Variants in CFAP299 observed in about 807,000 individuals in gnomAD.
CFAP299 encodes the protein cilia- and flagella-associated protein 299.
Under a neutral mutation model 27.0 loss-of-function variants are expected in CFAP299, and 21 were observed. That is an observed-to-expected ratio of 0.78 (90% CI 0.55 to 1.12). The LOEUF (loss-of-function observed/expected upper bound fraction) is 1.12, where lower values mean the gene tolerates loss of function less well. CFAP299 is among the 50% of genes most tolerant of loss of function. The pLI is 0.00. For missense variants in CFAP299, 310 were observed against 276.6 expected, an observed-to-expected ratio of 1.12 and a Z score of -0.86; for synonymous variants, 104 against 98.1, an observed-to-expected ratio of 1.06 and a Z score of -0.36.
chr4:80,870,902 C>CT, intron 4 of CFAP299: 1 of 984,286 alleles, frequency 1.0e-6, no homozygotes, highest in Non-Finnish European at 1.2e-6. Flanking sequence ...TATCCATCAC[C>CT]TTTTTTTGAT....
intron 3 of CFAP299, among the ~76,000 whole-genome samples, chr4:80,828,150 AT>A (rs1272953895): frequency 1.6e-4 from 24 of 152,046 alleles, no homozygotes; most frequent in African/African-American, 5.8e-4. Context: ...TGCAATCCTT[AT>A]CATAATTGCA....
intron 3 of CFAP299, among the ~76,000 whole-genome samples, chr4:80,595,917 T>C (rs1737034733): frequency 6.6e-6 from 1 of 152,198 alleles, no homozygotes; most frequent in East Asian, 1.9e-4. Flanking sequence ...GGAGAGTGGA[T>C]TTGACAGTGC....
At chr4:80,804,995 C>A (rs1366783254) in intron 3 of CFAP299, among the ~76,000 whole-genome samples, 1 of 151,956 alleles carries the variant, frequency 6.6e-6, no homozygotes, top group Non-Finnish European at 1.5e-5. Flanking sequence ...TGGAGTGAAT[C>A]ATTTAATTTC....
intron 2 of CFAP299, among the ~76,000 whole-genome samples, chr4:80,496,826 G>C (rs895026579): frequency 6.6e-6 from 1 of 152,104 alleles, no homozygotes; most frequent in African/African-American, 2.4e-5. Flanking sequence ...GGCTTCTGGG[G>C]AGGCCTCAGG....
chr4:80,326,148 T>C, the CFAP299 span, among the ~76,000 whole-genome samples: 2 of 152,202 alleles, frequency 1.3e-5, no homozygotes, highest in Admixed American at 6.5e-5. Flanking sequence ...ATATCTTCCA[T>C]CTGTAAGGTG....
At chr4:80,523,484 C>T (rs1212659303) in intron 2 of CFAP299, among the ~76,000 whole-genome samples, 2 of 151,976 alleles carry the variant, frequency 1.3e-5, no homozygotes, top group Admixed American at 1.3e-4. Flanking sequence ...TAAGGGGTGC[C>T]TAGGTAACTG....
chr4:80,931,977 C>T (rs1736648443), intron 4 of CFAP299, among the ~76,000 whole-genome samples: 1 of 152,148 alleles, frequency 6.6e-6, no homozygotes, highest in East Asian at 1.9e-4. Flanking sequence ...CTGTGGTTTG[C>T]TCTTAGCAGG....
At chr4:80,855,766 A>G (rs1410631004) in intron 3 of CFAP299, among the ~76,000 whole-genome samples, 12 of 152,196 alleles carry the variant, frequency 7.9e-5, no homozygotes, top group Non-Finnish European at 1.6e-4. Flanking sequence ...ATAGTATTCC[A>G]CGGTGTATAT....
intron 2 of CFAP299, among the ~76,000 whole-genome samples, chr4:80,491,750 C>G (rs1387024220): frequency 6.6e-6 from 1 of 152,044 alleles, no homozygotes; most frequent in East Asian, 1.9e-4. Context: ...TGACTCTGGC[C>G]ATAACATTAT....
intron 4 of CFAP299, among the ~76,000 whole-genome samples, chr4:80,907,624 A>C (rs980056431): frequency 6.6e-6 from 1 of 152,186 alleles, no homozygotes; most frequent in African/African-American, 2.4e-5. Flanking sequence ...GGAGAATTGC[A>C]GAGTGAAGGA....
chr4:80,512,418 G>A (rs1469931024), intron 2 of CFAP299, among the ~76,000 whole-genome samples: 1 of 152,046 alleles, frequency 6.6e-6, no homozygotes, highest in Non-Finnish European at 1.5e-5. Context: ...AACTCATGCC[G>A]CAACATGCTT....
rs542401912 is a variant in CFAP299, at chr4:80,479,957, A to G, written c.243-103136A>G. 2.6e-5 allele frequency among the ~76,000 whole-genome samples: 4 copies of G among 152,160 alleles called. No individual in the cohort carries two copies. The South Asian group carries it at 8.3e-4, about 31-fold the overall frequency. On this transcript the variant is annotated intron_variant, in intron 2 of 5. Transcript: ENST00000358105. ...AGCTAAAACATATGTTCTGATTTAC[A>G]CAAGCCAAGTATCTGCTAATGGTTG...
chr4:80,920,698 T>C (rs1736000072), intron 4 of CFAP299, among the ~76,000 whole-genome samples: 1 of 152,164 alleles, frequency 6.6e-6, no homozygotes, highest in East Asian at 1.9e-4. Context: ...TTTCTCTGAA[T>C]CTCAGTGACC....
intron 2 of CFAP299, among the ~76,000 whole-genome samples, chr4:80,497,261 C>T (rs773237841): frequency 6.6e-6 from 1 of 152,232 alleles, no homozygotes; most frequent in Non-Finnish European, 1.5e-5. Flanking sequence ...CAGACTAAGA[C>T]ATTATCTCTA....
intron 3 of CFAP299, among the ~76,000 whole-genome samples, chr4:80,843,527 C>T (rs1045631901): frequency 6.6e-6 from 1 of 152,034 alleles, no homozygotes; most frequent in Non-Finnish European, 1.5e-5. Flanking sequence ...GTGAATAGTG[C>T]CACAACAAAC....
At chr4:80,940,565 C>A (rs970991489) in intron 4 of CFAP299, among the ~76,000 whole-genome samples, 16 of 152,162 alleles carry the variant, frequency 1.1e-4, no homozygotes, top group Non-Finnish European at 1.2e-4. Context: ...CAGATGCATA[C>A]AGTTCCTAGA....
intron 3 of CFAP299, among the ~76,000 whole-genome samples, chr4:80,869,011 AG>A (rs1350659075): frequency 6.6e-6 from 1 of 151,644 alleles, no homozygotes; most frequent in Admixed American, 6.6e-5. Flanking sequence ...CAGCACCTTT[AG>A]GAATGAATAT....
At chr4:80,352,917 A>T in intron 1 of CFAP299, among the ~76,000 whole-genome samples, 1 of 152,144 alleles carries the variant, frequency 6.6e-6, no homozygotes, top group African/African-American at 2.4e-5. Context: ...ACATAAAGGA[A>T]TCTATAGAGG....
intron 3 of CFAP299, among the ~76,000 whole-genome samples, chr4:80,681,581 A>G (rs769300658): frequency 2.0e-5 from 3 of 152,204 alleles, no homozygotes; most frequent in Non-Finnish European, 4.4e-5. Context: ...TTAGTTGCCC[A>G]GGAACCTAGA....
Sources: gnomAD v4.1 joint callset for allele counts (sites outside exome capture counted in the v4.1 genomes callset) on GRCh38, gnomAD v4.1.1 for gene constraint, MANE v1.5 for transcripts, NCBI Gene and HGNC (gene_info 2026-07-23, HGNC 2026-07-21) for gene names.